The following SOX6 variants were observed in gnomAD, a reference collection of about 807,000 sequenced individuals.
SOX6 encodes the protein transcription factor SOX-6.
A neutral mutation model predicts 97.8 loss-of-function variants in SOX6; 11 were observed. The observed-to-expected ratio is 0.11, with a 90% CI of 0.07 to 0.19. The LOEUF (loss-of-function observed/expected upper bound fraction) is 0.19, where lower values mean the gene tolerates loss of function less well. Ranked by LOEUF, SOX6 falls within the 10% of genes least tolerant of loss-of-function variation. The pLI is 1.00. For missense variants in SOX6, 810 were observed against 1,039.5 expected (o/e 0.78, Z 3.04); for synonymous variants, 360 against 371.4 (o/e 0.97, Z 0.35).
intron 3 of SOX6, chr11:16,315,849 T>C (rs771781980): frequency 1.3e-5 from 2 of 152,218 alleles, no homozygotes; most frequent in Non-Finnish European, 2.9e-5. Flanking sequence ...TCTTCTTATA[T>C]AATTTCATCT....
chr11:16,414,871 G>A (rs1368908918), intron 1 of SOX6, among the ~76,000 whole-genome samples: 1 of 152,124 alleles, frequency 6.6e-6, no homozygotes, highest in Non-Finnish European at 1.5e-5. Context: ...AATTTTGGAT[G>A]AGAGGATAAT....
chr11:16,643,654 G>T (rs900031820), intron 3 of SOX6, among the ~76,000 whole-genome samples: 8 of 152,202 alleles, frequency 5.3e-5, no homozygotes, highest in Admixed American at 1.3e-4. Context: ...CTTGCAGTTT[G>T]ATCTCAGACT....
At chr11:16,577,256 T>C (rs1406005163) in intron 4 of SOX6, 1 of 152,184 alleles carries the variant, frequency 6.6e-6, no homozygotes, top group African/African-American at 2.4e-5. Context: ...TTAAATTAGT[T>C]AAGCAAAAAG....
At chr11:15,999,537 A>G (rs1404750894) in intron 13 of SOX6, among the ~76,000 whole-genome samples, 1 of 152,160 alleles carries the variant, frequency 6.6e-6, no homozygotes, top group African/African-American at 2.4e-5. Context: ...CAAAAATGAC[A>G]CCAAAAACAA....
intron 12 of SOX6, among the ~76,000 whole-genome samples, chr11:16,043,986 G>T (rs1372137184): frequency 2.0e-5 from 3 of 152,140 alleles, no homozygotes; most frequent in Non-Finnish European, 2.9e-5. Context: ...CTATGAGGTT[G>T]CTAGAGACCC....
At chr11:16,194,480 A>G (rs1057373931) in intron 4 of SOX6, among the ~76,000 whole-genome samples, 2 of 152,200 alleles carry the variant, frequency 1.3e-5, no homozygotes, top group African/African-American at 4.8e-5. Flanking sequence ...GGACCACTTC[A>G]CAGGAAGTGT....
intron 4 of SOX6, among the ~76,000 whole-genome samples, chr11:16,499,830 C>A (rs143134890): frequency 0.24 from 36,689 of 152,026 alleles, 5,027 homozygotes; most frequent in Non-Finnish European, 0.3. Flanking sequence ...AGCTTACCAA[C>A]CAAAAAAAGT....
intron 1 of SOX6, among the ~76,000 whole-genome samples, chr11:16,416,645 T>C (rs1858931605): frequency 6.6e-6 from 1 of 152,224 alleles, no homozygotes; most frequent in African/African-American, 2.4e-5. Context: ...CTCAGCAGCA[T>C]TTTTCAAGAA....
intron 6 of SOX6, among the ~76,000 whole-genome samples, chr11:16,131,351 A>T (rs555244277): frequency 6.6e-6 from 1 of 152,100 alleles, no homozygotes; most frequent in East Asian, 1.9e-4. Flanking sequence ...ATATGACAGG[A>T]TGCTCAACAT....
chr11:16,063,639 A>C (rs1410357211), intron 9 of SOX6, among the ~76,000 whole-genome samples: 13 of 146,032 alleles, frequency 8.9e-5, no homozygotes, highest in Non-Finnish European at 3.0e-5. Flanking sequence ...CATTATAAAC[A>C]TATGATTTTC....
At chr11:16,011,710 C>T (rs1393441978) in intron 13 of SOX6, among the ~76,000 whole-genome samples, 2 of 152,022 alleles carry the variant, frequency 1.3e-5, no homozygotes, top group Non-Finnish European at 2.9e-5. Flanking sequence ...GGCTGGCTTA[C>T]TTTAGTCACT....
intron 3 of SOX6, among the ~76,000 whole-genome samples, chr11:16,261,769 A>T (rs988744237): frequency 3.3e-5 from 5 of 152,040 alleles, no homozygotes; most frequent in African/African-American, 4.8e-5. Context: ...GGATTTTGAA[A>T]ACTTCTATCA....
At chr11:16,442,608 A>G (rs1234024885) in intron 1 of SOX6, among the ~76,000 whole-genome samples, 1 of 152,162 alleles carries the variant, frequency 6.6e-6, no homozygotes, top group Non-Finnish European at 1.5e-5. Flanking sequence ...AGAATTTGGA[A>G]TCATCTGACT....
intron 4 of SOX6, among the ~76,000 whole-genome samples, chr11:16,520,854 G>C (rs559599458): frequency 2.0e-5 from 3 of 152,214 alleles, no homozygotes; most frequent in Non-Finnish European, 4.4e-5. Flanking sequence ...AGGGTTCTAC[G>C]CCCACGGAGT....
chr11:16,449,671 G>C (rs996732897), intron 1 of SOX6, among the ~76,000 whole-genome samples: 1 of 152,110 alleles, frequency 6.6e-6, no homozygotes, highest in Non-Finnish European at 1.5e-5. Flanking sequence ...CTCCACAACA[G>C]AGCCATGAAG....
chr11:16,342,112 C>T (rs11023922), intron 1 of SOX6, among the ~76,000 whole-genome samples: 8,400 of 151,920 alleles, frequency 0.055, 301 homozygotes, highest in Non-Finnish European at 0.08. Flanking sequence ...TTTATATGCC[C>T]ACAAATAAAC....
chr11:16,676,299 C>T (rs189394916), intron 3 of SOX6, among the ~76,000 whole-genome samples: 7 of 152,300 alleles, frequency 4.6e-5, no homozygotes, highest in African/African-American at 7.2e-5. Flanking sequence ...TTTGGTGAGA[C>T]ATCAGTCTCA....
At chr11:16,240,358 C>T (rs983467731) in intron 3 of SOX6, among the ~76,000 whole-genome samples, 10 of 145,546 alleles carry the variant, frequency 6.9e-5, no homozygotes, top group Admixed American at 2.1e-4. Flanking sequence ...CTGTTAGATG[C>T]AAGATTTTGG....
At position 16,011,115 on chromosome 11, in the gene SOX6, G is replaced by A. The variant is rs572819337; in HGVS notation, c.1732+3827C>T. Among the ~76,000 whole-genome samples the A allele has an allele frequency of 4.1e-4, 63 of 152,122 alleles. 1 individual carries two copies. The highest frequency in any genetic ancestry group is 3.1e-4 in the Non-Finnish European group (21 of 67,970). On this transcript the variant is annotated intron_variant, in intron 13 of 15. Coordinates refer to ENST00000683767, the MANE Select transcript of SOX6 (RefSeq NM_001367873.1). Reference sequence around the variant, plus strand: ...AGGCAACCTTGAAATTAGGAGAGTTGGAATAAGAATTGCACTCTTGCCTAA... The same window carrying A: ...AGGCAACCTTGAAATTAGGAGAGTTAGAATAAGAATTGCACTCTTGCCTAA...
Sources: allele counts gnomAD v4.1 joint callset (sites outside exome capture counted in the v4.1 genomes callset), GRCh38; gene constraint gnomAD v4.1.1; transcripts MANE v1.5; gene names NCBI Gene and HGNC (gene_info 2026-07-23, HGNC 2026-07-21).